HS6ST3: variants seen among roughly 807,000 people sequenced by gnomAD.
HS6ST3 encodes the protein heparan-sulfate 6-O-sulfotransferase 3.
A neutral mutation model predicts 36.7 loss-of-function variants in HS6ST3; 12 were observed. That is an observed-to-expected ratio of 0.33 (90% CI 0.21 to 0.53). The LOEUF is 0.53. HS6ST3 is among the 20% of genes least tolerant of loss of function. The pLI is 0.95. For missense variants in HS6ST3, 584 were observed against 640.9 expected, an observed-to-expected ratio of 0.91 and a Z score of 0.96; for synonymous variants, 240 against 257.5, an observed-to-expected ratio of 0.93 and a Z score of 0.65.
chr13:96,313,839 T>C (rs2139410497), intron 1 of HS6ST3, among the ~76,000 whole-genome samples: 1 of 152,222 alleles, frequency 6.6e-6, no homozygotes, highest in South Asian at 2.1e-4. Flanking sequence ...TCTGTGTGAG[T>C]CTCCTTGACT....
intron 1 of HS6ST3, among the ~76,000 whole-genome samples, chr13:96,658,375 G>T (rs1177328239): frequency 1.4e-5 from 2 of 145,254 alleles, no homozygotes; most frequent in African/African-American, 2.5e-5. Context: ...CTGCCTCCTG[G>T]GTTTAAGTGA....
At chr13:96,730,447 G>C (rs1876120243) in intron 1 of HS6ST3, among the ~76,000 whole-genome samples, 1 of 152,106 alleles carries the variant, frequency 6.6e-6, no homozygotes, top group African/African-American at 2.4e-5. Context: ...GGATCACCAG[G>C]TCAGCCATTG....
chr13:96,816,861 C>A (rs1878431604), intron 1 of HS6ST3, among the ~76,000 whole-genome samples: 1 of 152,198 alleles, frequency 6.6e-6, no homozygotes. Context: ...TGGGGCATTT[C>A]TGTTCCTCCA....
At chr13:96,326,787 T>A (rs1156576297) in intron 1 of HS6ST3, among the ~76,000 whole-genome samples, 1 of 151,852 alleles carries the variant, frequency 6.6e-6, no homozygotes, top group Non-Finnish European at 1.5e-5. Flanking sequence ...TAGTTTACAG[T>A]CCCACCAACA....
chr13:96,363,139 TCACA>T (rs1229553490), intron 1 of HS6ST3, among the ~76,000 whole-genome samples: 3 of 151,924 alleles, frequency 2.0e-5, no homozygotes, highest in East Asian at 3.9e-4. Context: ...ACACACACAC[TCACA>T]CACACCACAC....
intron 1 of HS6ST3, among the ~76,000 whole-genome samples, chr13:96,108,946 A>C (rs1245545415): frequency 1.6e-5 from 2 of 128,876 alleles, no homozygotes; most frequent in Non-Finnish European, 3.3e-5. Flanking sequence ...ATCTGTGACA[A>C]CCACTCCTAT....
intron 1 of HS6ST3, among the ~76,000 whole-genome samples, chr13:96,384,732 T>G (rs2055358851): frequency 6.6e-6 from 1 of 152,276 alleles, no homozygotes; most frequent in Non-Finnish European, 1.5e-5. Flanking sequence ...TCCAACAACC[T>G]CAACCTTTAC....
At chr13:96,572,134 T>C (rs2056302991) in intron 1 of HS6ST3, among the ~76,000 whole-genome samples, 1 of 152,232 alleles carries the variant, frequency 6.6e-6, no homozygotes, top group Admixed American at 6.5e-5. Context: ...TAATTTCTGC[T>C]ATTAATAGAT....
intron 1 of HS6ST3, among the ~76,000 whole-genome samples, chr13:96,244,111 C>T (rs1006456434): frequency 6.6e-6 from 1 of 151,838 alleles, no homozygotes; most frequent in Non-Finnish European, 1.5e-5. Flanking sequence ...GGAGTTTAAC[C>T]ATTCCATTGG....
intron 1 of HS6ST3, among the ~76,000 whole-genome samples, chr13:96,647,715 TGAA>T (rs1478560325): frequency 5.9e-5 from 9 of 152,048 alleles, no homozygotes; most frequent in South Asian, 2.1e-4. Context: ...ATAGATATGA[TGAA>T]GAAGTTTTAC....
chr13:96,277,505 A>G (rs1166355642), intron 1 of HS6ST3, among the ~76,000 whole-genome samples: 2 of 152,190 alleles, frequency 1.3e-5, no homozygotes, highest in African/African-American at 4.8e-5. Context: ...GAAAAATACA[A>G]GTCAATTTCT....
intron 1 of HS6ST3, among the ~76,000 whole-genome samples, chr13:96,398,396 C>T (rs367939961): frequency 8.5e-5 from 13 of 152,124 alleles, no homozygotes; most frequent in East Asian, 5.8e-4. Flanking sequence ...GATTCTCCTG[C>T]CTCAGCCTCC....
intron 1 of HS6ST3, among the ~76,000 whole-genome samples, chr13:96,610,711 T>C (rs1253218115): frequency 6.6e-6 from 1 of 152,150 alleles, no homozygotes; most frequent in Non-Finnish European, 1.5e-5. Flanking sequence ...TCTACTGAAA[T>C]GTTCTATACA....
rs557881699 is a variant in HS6ST3, at chr13:96,221,895, T to A, written c.707+130326T>A. Among the ~76,000 whole-genome samples the A allele has an allele frequency of 3.3e-5, 5 of 152,330 alleles. No individual in the cohort carries two copies. In the East Asian group the frequency reaches 9.6e-4, roughly 29 times the overall value. Reference sequence around the variant, plus strand: ...TAGCATGGATGACTGAAAAATATTATATCTTCTATTTGAAATGGAAAAAAA... The same window carrying A: ...TAGCATGGATGACTGAAAAATATTAAATCTTCTATTTGAAATGGAAAAAAA... On this transcript the variant is annotated intron_variant, in intron 1 of 1. Transcript: ENST00000376705.
chr13:96,212,986 A>G (rs2054406257), intron 1 of HS6ST3, among the ~76,000 whole-genome samples: 1 of 152,242 alleles, frequency 6.6e-6, no homozygotes, highest in Non-Finnish European at 1.5e-5. Context: ...GCTAAAGCAG[A>G]TGGTATGATA....
rs533753553 is a variant in HS6ST3 at position 96,118,803 on chromosome 13, C to T, written c.707+27234C>T. On this transcript the variant is annotated intron_variant, in intron 1 of 1. Coordinates refer to ENST00000376705, the MANE Select transcript of HS6ST3 (RefSeq NM_153456.4). Reference sequence around the variant, plus strand: ...TCGGCTCACTGCAAGCTCCGCTTCCCGGGTTCACGCCATTCTCCTGCCTCA... The same window carrying T: ...TCGGCTCACTGCAAGCTCCGCTTCCTGGGTTCACGCCATTCTCCTGCCTCA... Among the ~76,000 whole-genome samples the T allele has an allele frequency of 2.6e-3, 368 of 140,806 alleles. 4 individuals carry two copies. The highest frequency in any genetic ancestry group is 7.7e-3 in the Admixed American group (106 of 13,832). The allele number at this position is 140,806 out of a possible 152,430, so 92.4% of individuals were successfully genotyped here.
At position 96,736,546 on chromosome 13, in the gene HS6ST3, A is replaced by G. The variant is rs78074763; in HGVS notation, c.708-95944A>G. Reference sequence around the variant, plus strand: ...AGTCATCAATACACCCAATGTACCAAACATAACTAAGTGTATAGAAAACCT... The same window carrying G: ...AGTCATCAATACACCCAATGTACCAGACATAACTAAGTGTATAGAAAACCT... On this transcript the variant is annotated intron_variant, in intron 1 of 1. Coordinates refer to ENST00000376705, the MANE Select transcript of HS6ST3 (RefSeq NM_153456.4). 5.9e-3 allele frequency among the ~76,000 whole-genome samples: 897 copies of G among 152,334 alleles called. 11 individuals carry two copies. Among genetic ancestry groups the G allele is most frequent in the African/African-American group, 0.02 (842 of 41,580 alleles).
In HS6ST3 at chr13:96,782,095, C is replaced by T. The variant is rs1298454637; in HGVS notation, c.708-50395C>T. ...TATTTGCATCTGAAATTATTGTGAA[C>T]TTTCATGTTTGTATCAGCTGCACTG... On this transcript the variant is annotated intron_variant, in intron 1 of 1. Coordinates refer to ENST00000376705, the MANE Select transcript of HS6ST3 (RefSeq NM_153456.4). 2.0e-5 allele frequency among the ~76,000 whole-genome samples: 3 copies of T among 152,226 alleles called. No individual in the cohort carries two copies. In the East Asian group the frequency reaches 5.8e-4, roughly 29 times the overall value.
At chr13:96,200,110 T>C (rs2054333885) in intron 1 of HS6ST3, among the ~76,000 whole-genome samples, 1 of 152,144 alleles carries the variant, frequency 6.6e-6, no homozygotes, top group Non-Finnish European at 1.5e-5. Context: ...AGAACTGAAA[T>C]TTGCAAAGAT....
Sources: allele counts gnomAD v4.1 joint callset (sites outside exome capture counted in the v4.1 genomes callset), GRCh38; gene constraint gnomAD v4.1.1; transcripts MANE v1.5; gene names NCBI Gene and HGNC (gene_info 2026-07-23, HGNC 2026-07-21).